The following MARCHF11 variants were observed in gnomAD, a reference collection of about 807,000 sequenced individuals.
MARCHF11 encodes E3 ubiquitin-protein ligase MARCHF11.
A neutral mutation model predicts 37.3 loss-of-function variants in MARCHF11; 29 were observed. The observed-to-expected ratio is 0.78, with a 90% CI of 0.58 to 1.06. MARCHF11 has a LOEUF of 1.06. Ranked by LOEUF, MARCHF11 falls within the 50% of genes least tolerant of loss-of-function variation. The pLI, the probability that MARCHF11 is intolerant of heterozygous loss-of-function variation, is 0.00. For synonymous variants in MARCHF11, 233 were observed against 228.0 expected (o/e 1.02, Z -0.20); for missense variants, 482 against 533.4 (o/e 0.90, Z 0.95).
chr5:16,141,298 A>G (rs961168047), intron 2 of MARCHF11: 4 of 152,192 alleles, frequency 2.6e-5, no homozygotes. Flanking sequence ...TACTCTAGGC[A>G]CTGGACATAC....
At chr5:16,102,151 T>G (rs548773511) in intron 2 of MARCHF11, among the ~76,000 whole-genome samples, 1 of 152,290 alleles carries the variant, frequency 6.6e-6, no homozygotes, top group South Asian at 2.1e-4. Flanking sequence ...TTCTGAGGAA[T>G]GAAACAATGG....
intron 2 of MARCHF11, among the ~76,000 whole-genome samples, chr5:16,134,214 C>T (rs1247293656): frequency 6.6e-6 from 1 of 152,138 alleles, no homozygotes; most frequent in Non-Finnish European, 1.5e-5. Flanking sequence ...AAGCCATCTC[C>T]TATTATATAT....
At chr5:16,164,734 C>T (rs552299016) in intron 2 of MARCHF11, among the ~76,000 whole-genome samples, 20 of 152,048 alleles carry the variant, frequency 1.3e-4, no homozygotes, top group African/African-American at 3.4e-4. Flanking sequence ...AATTGTAAAA[C>T]GAAATTAAAA....
chr5:16,143,230 C>G (rs1199235450), intron 2 of MARCHF11, among the ~76,000 whole-genome samples: 1 of 152,088 alleles, frequency 6.6e-6, no homozygotes, highest in Non-Finnish European at 1.5e-5. Context: ...CCTAAAATAG[C>G]CTCGTATAGA....
chr5:16,097,136 A>C (rs1162161589), intron 2 of MARCHF11, among the ~76,000 whole-genome samples: 1 of 152,232 alleles, frequency 6.6e-6, no homozygotes, highest in Non-Finnish European at 1.5e-5. Flanking sequence ...AAATGAATTT[A>C]GCTAAAACTT....
intron 2 of MARCHF11, among the ~76,000 whole-genome samples, chr5:16,148,567 G>A (rs1461831695): frequency 6.6e-6 from 1 of 152,114 alleles, no homozygotes; most frequent in Admixed American, 6.6e-5. Context: ...GTCCCCACCC[G>A]ACCTATGGAT....
intron 2 of MARCHF11, among the ~76,000 whole-genome samples, chr5:16,151,328 AATATCCTC>A (rs756458215): frequency 3.2e-4 from 48 of 152,168 alleles, no homozygotes; most frequent in Non-Finnish European, 6.9e-4. Flanking sequence ...GACTAAAATC[AATATCCTC>A]ATGCATATGT....
intron 2 of MARCHF11, among the ~76,000 whole-genome samples, chr5:16,134,248 A>G (rs1010790084): frequency 6.6e-6 from 1 of 152,156 alleles, no homozygotes; most frequent in Non-Finnish European, 1.5e-5. Flanking sequence ...TGTGTTCCTC[A>G]AAAAGCATGT....
intron 3 of MARCHF11, among the ~76,000 whole-genome samples, chr5:16,077,606 CT>C (rs1456528391): frequency 6.6e-6 from 1 of 152,112 alleles, no homozygotes; most frequent in Admixed American, 6.5e-5. Flanking sequence ...AAATTTGTAA[CT>C]CTTCTATTTC....
chr5:16,165,749 C>G (rs1042951066), intron 2 of MARCHF11, among the ~76,000 whole-genome samples: 1 of 152,132 alleles, frequency 6.6e-6, no homozygotes, highest in East Asian at 1.9e-4. Flanking sequence ...TCAGTTATCA[C>G]TGATAATGTT....
chr5:16,168,735 AGAT>A (rs1328810544), intron 2 of MARCHF11, among the ~76,000 whole-genome samples: 1 of 152,118 alleles, frequency 6.6e-6, no homozygotes, highest in Non-Finnish European at 1.5e-5. Context: ...GATGAGAGTC[AGAT>A]GATGATAGAA....
chr5:16,082,320 T>C (rs1206643520), intron 3 of MARCHF11, among the ~76,000 whole-genome samples: 1 of 152,200 alleles, frequency 6.6e-6, no homozygotes, highest in East Asian at 1.9e-4. Flanking sequence ...TAAGATAGTC[T>C]GAAGCCAGGA....
intron 2 of MARCHF11, among the ~76,000 whole-genome samples, chr5:16,112,938 G>A (rs183170809): frequency 6.8e-4 from 104 of 152,110 alleles, no homozygotes; most frequent in Middle Eastern, 3.4e-3. Context: ...TCTGTCTCTC[G>A]CCTCCCCAGC....
intron 2 of MARCHF11, among the ~76,000 whole-genome samples, chr5:16,143,124 C>T (rs1036499527): frequency 6.6e-6 from 1 of 152,046 alleles, no homozygotes; most frequent in African/African-American, 2.4e-5. Context: ...TCCTCCCCTC[C>T]TTTCTCTGTT....
At chr5:16,077,195 G>C (rs1184942160) in intron 3 of MARCHF11, among the ~76,000 whole-genome samples, 1 of 152,078 alleles carries the variant, frequency 6.6e-6, no homozygotes, top group Admixed American at 6.5e-5. Context: ...ATTTCCATTT[G>C]TTTCCCACAC....
At chr5:16,093,853 G>A (rs1736823232) in intron 2 of MARCHF11, among the ~76,000 whole-genome samples, 1 of 152,144 alleles carries the variant, frequency 6.6e-6, no homozygotes, top group Non-Finnish European at 1.5e-5. Context: ...AATATAAGAA[G>A]TAATTTGGGA....
At chr5:16,079,510 G>C (rs1736571493) in intron 3 of MARCHF11, among the ~76,000 whole-genome samples, 1 of 152,182 alleles carries the variant, frequency 6.6e-6, no homozygotes, top group African/African-American at 2.4e-5. Context: ...TCTTAACCCA[G>C]TCTCACCACT....
At chr5:16,096,597 C>T (rs1007221515) in intron 2 of MARCHF11, among the ~76,000 whole-genome samples, 1 of 152,100 alleles carries the variant, frequency 6.6e-6, no homozygotes, top group East Asian at 1.9e-4. Context: ...TGCTGTGAAA[C>T]CAGGCAAATA....
chr5:16,159,183 A>AAAAATTATAT (rs768305496), intron 2 of MARCHF11, among the ~76,000 whole-genome samples: 1 of 151,956 alleles, frequency 6.6e-6, no homozygotes, highest in Non-Finnish European at 1.5e-5. Flanking sequence ...ATCTATCTTG[A>AAAAATTATAT]AAAATTATAT....
Sources: allele counts gnomAD v4.1 joint callset (sites outside exome capture counted in the v4.1 genomes callset), GRCh38; gene constraint gnomAD v4.1.1; transcripts MANE v1.5; gene names NCBI Gene and HGNC (gene_info 2026-07-23, HGNC 2026-07-21).